EGFR: variants seen among roughly 807,000 people sequenced by gnomAD.
EGFR encodes the protein avian erythroblastic leukemia viral (v-erb-b) oncogene homolog.
Under a neutral mutation model 143.0 loss-of-function variants are expected in EGFR, and 58 were observed. The ratio of observed to expected loss-of-function variants is 0.41; its 90% CI spans 0.33 to 0.50. The LOEUF is 0.50. Among genes scored for constraint, EGFR ranks in the 20% least tolerant of loss-of-function variants. The pLI, the probability that EGFR is intolerant of heterozygous loss-of-function variation, is 0.39. For missense variants in EGFR, 1,307 were observed against 1,579.0 expected (o/e 0.83, Z 2.92); for synonymous variants, 613 against 594.4 (o/e 1.03, Z -0.45).
chr7:55,051,565 C>T (rs1156304506), intron 1 of EGFR, among the ~76,000 whole-genome samples: 1 of 152,140 alleles, frequency 6.6e-6, no homozygotes, highest in Non-Finnish European at 1.5e-5. Flanking sequence ...ACTTTCCAGC[C>T]TTCAGAACCA....
chr7:55,166,474 T>A (rs945277628), intron 15 of EGFR, among the ~76,000 whole-genome samples: 1 of 152,250 alleles, frequency 6.6e-6, no homozygotes, highest in African/African-American at 2.4e-5. Flanking sequence ...GCTCACAGGA[T>A]TTTTATGACC....
chr7:55,175,905 A>G (rs1786571234), intron 19 of EGFR, among the ~76,000 whole-genome samples: 1 of 152,264 alleles, frequency 6.6e-6, no homozygotes, highest in South Asian at 2.1e-4. Flanking sequence ...CCATGTTGAT[A>G]TACTTCTAAA....
At chr7:55,083,545 C>T (rs1406071475) in intron 1 of EGFR, among the ~76,000 whole-genome samples, 1 of 152,120 alleles carries the variant, frequency 6.6e-6, no homozygotes. Flanking sequence ...GCATGAAAGC[C>T]TGTCTGCAGT....
intron 1 of EGFR, among the ~76,000 whole-genome samples, chr7:55,050,494 C>T (rs980032041): frequency 1.3e-5 from 2 of 152,240 alleles, no homozygotes; most frequent in Admixed American, 6.5e-5. Context: ...CATTCATCCA[C>T]GGGAGGGCAC....
intron 19 of EGFR, chr7:55,180,918 T>G (rs1786832652): frequency 5.7e-6 from 2 of 350,810 alleles, no homozygotes; most frequent in South Asian, 5.3e-5. Flanking sequence ...CATGATATTT[T>G]AAAACACAGC....
intron 1 of EGFR, among the ~76,000 whole-genome samples, chr7:55,058,319 G>T (rs552154118): frequency 8.5e-5 from 13 of 152,144 alleles, no homozygotes; most frequent in Non-Finnish European, 1.8e-4. Context: ...GCTTGAACGC[G>T]GGAGGCGGAG....
intron 1 of EGFR, among the ~76,000 whole-genome samples, chr7:55,128,554 C>T (rs1793659524): frequency 6.6e-6 from 1 of 152,162 alleles, no homozygotes; most frequent in Non-Finnish European, 1.5e-5. Context: ...TGTTCTGTGA[C>T]TCACCCCTGC....
intron 26 of EGFR, 97 bp from the exon 27 acceptor site, chr7:55,202,420 C>T: frequency 9.3e-7 from 1 of 1,072,682 alleles, no homozygotes; most frequent in South Asian, 1.4e-5. Context: ...ACCTACTAAT[C>T]AGAACCAGCA....
chr7:55,156,946 CG>C, intron 10 of EGFR, 114 bp downstream of exon 10: 2 of 1,561,316 alleles, frequency 1.3e-6, no homozygotes, highest in Non-Finnish European at 1.7e-6. Flanking sequence ...GAAATTTTAC[CG>C]TTAATGGCTG....
chr7:55,077,630 A>T (rs950662692), intron 1 of EGFR, among the ~76,000 whole-genome samples: 1 of 152,188 alleles, frequency 6.6e-6, no homozygotes, highest in African/African-American at 2.4e-5. Flanking sequence ...AAGCCAGGGT[A>T]ACTCAGGGTA....
intron 1 of EGFR, among the ~76,000 whole-genome samples, chr7:55,117,410 C>T (rs1005197373): frequency 8.5e-5 from 13 of 152,192 alleles, no homozygotes; most frequent in African/African-American, 2.9e-4. Context: ...CACTCTGTAA[C>T]TCCCACATTC....
chr7:55,207,647 C>T lies in EGFR; in HGVS notation c.*2030C>T, dbSNP rs1416785687. ...TGCAGGTGCATCAGGGGCACCCTGACCGAGGAAACAGCTGCCAGAGGCCTC... is the reference window on the plus strand; with the variant it reads ...TGCAGGTGCATCAGGGGCACCCTGATCGAGGAAACAGCTGCCAGAGGCCTC... On this transcript the variant is annotated 3_prime_UTR_variant, in exon 28 of 28. Coordinates refer to ENST00000275493, the MANE Select transcript of EGFR (RefSeq NM_005228.5). 1.9e-5 allele frequency: 3 copies of T among 156,404 alleles called. No homozygotes were observed. Among genetic ancestry groups the T allele is most frequent in the African/African-American group, 7.2e-5 (3 of 41,564 alleles). The allele number at this position is 156,404 out of a possible 1,614,324, so 9.7% of individuals were successfully genotyped here.
chr7:55,094,356 C>T (rs1049325861), intron 1 of EGFR, among the ~76,000 whole-genome samples: 1 of 152,062 alleles, frequency 6.6e-6, no homozygotes, highest in Non-Finnish European at 1.5e-5. Context: ...GCTGCCAGGT[C>T]GGGGGGCAGG....
chr7:55,044,966 C>T (rs1034059187), intron 1 of EGFR, among the ~76,000 whole-genome samples: 14 of 152,268 alleles, frequency 9.2e-5, no homozygotes, highest in Middle Eastern at 3.4e-3. Flanking sequence ...CTCTTGGCTC[C>T]GTGAAAGTCC....
chr7:55,136,323 C>A (rs566503469), intron 1 of EGFR, among the ~76,000 whole-genome samples: 1 of 152,220 alleles, frequency 6.6e-6, no homozygotes, highest in East Asian at 1.9e-4. Flanking sequence ...TATGACTAAG[C>A]TAGAAATATT....
chr7:55,183,621 C>T (rs1786994023), intron 20 of EGFR, among the ~76,000 whole-genome samples: 1 of 152,242 alleles, frequency 6.6e-6, no homozygotes, highest in African/African-American at 2.4e-5. Flanking sequence ...CCCAGACCTG[C>T]TTCCCCAGCT....
At chr7:55,152,788 T>C (rs919736591) in intron 6 of EGFR, 124 bp downstream of exon 6, 4 of 772,286 alleles carry the variant, frequency 5.2e-6, no homozygotes, top group African/African-American at 1.7e-5. Context: ...AGACAGGATA[T>C]TGCCCTCTGC....
intron 1 of EGFR, among the ~76,000 whole-genome samples, chr7:55,077,966 T>C (rs1365965843): frequency 2.6e-5 from 4 of 152,254 alleles, no homozygotes; most frequent in East Asian, 3.9e-4. Context: ...GGAGACGCTA[T>C]CTGCAGGGAC....
At chr7:55,186,092 C>G (rs1485688869) in intron 20 of EGFR, among the ~76,000 whole-genome samples, 1 of 152,186 alleles carries the variant, frequency 6.6e-6, no homozygotes, top group African/African-American at 2.4e-5. Context: ...CAGCACATTC[C>G]AGGCCACTCA....
Sources: allele counts gnomAD v4.1 joint callset (sites outside exome capture counted in the v4.1 genomes callset), GRCh38; gene constraint gnomAD v4.1.1; transcripts MANE v1.5; gene names NCBI Gene and HGNC (gene_info 2026-07-23, HGNC 2026-07-21).